The following SLC4A4 variants were observed in gnomAD, a reference collection of about 807,000 sequenced individuals.
The protein encoded by SLC4A4 is solute carrier family 4 member 4.
A neutral mutation model predicts 111.5 loss-of-function variants in SLC4A4; 27 were observed. That is an observed-to-expected ratio of 0.24 (90% confidence interval 0.18 to 0.33). The LOEUF is 0.33. SLC4A4 is among the 10% of genes least tolerant of loss of function. The pLI is 1.00. For missense variants in SLC4A4, 909 were observed against 1,315.5 expected, an observed-to-expected ratio of 0.69 and a Z score of 4.78; for synonymous variants, 443 against 463.4, an observed-to-expected ratio of 0.96 and a Z score of 0.57.
chr4:71,176,128 T>C (rs547596589), intron 2 of SLC4A4, among the ~76,000 whole-genome samples: 53 of 152,230 alleles, frequency 3.5e-4, no homozygotes, highest in Middle Eastern at 6.8e-3. Flanking sequence ...TCCTGACTGT[T>C]AGAAGGAAAA....
intron 2 of SLC4A4, among the ~76,000 whole-genome samples, chr4:71,166,186 T>G (rs1361443505): frequency 6.6e-6 from 1 of 152,208 alleles, no homozygotes; most frequent in African/African-American, 2.4e-5. Flanking sequence ...TATTGTTTAT[T>G]GTTAACACTT....
chr4:71,272,442 G>A (rs1366636200), intron 3 of SLC4A4, among the ~76,000 whole-genome samples: 1 of 152,138 alleles, frequency 6.6e-6, no homozygotes, highest in East Asian at 1.9e-4. Context: ...TCAGTGGCGG[G>A]ATTCAGACAC....
At chr4:71,280,277 A>G (rs1723407453) in intron 3 of SLC4A4, among the ~76,000 whole-genome samples, 1 of 152,174 alleles carries the variant, frequency 6.6e-6, no homozygotes, top group Non-Finnish European at 1.5e-5. Context: ...AGTTGCATGA[A>G]TTCCTTATAT....
chr4:71,247,826 G>T (rs778128379), intron 2 of SLC4A4, among the ~76,000 whole-genome samples: 1 of 152,002 alleles, frequency 6.6e-6, no homozygotes, highest in Non-Finnish European at 1.5e-5. Context: ...ATGTCTTCCC[G>T]TTGGGTGGCT....
chr4:71,451,408 C>T, intron 11 of SLC4A4, 107 bp downstream of exon 11: 2 of 779,036 alleles, frequency 2.6e-6, no homozygotes, highest in Non-Finnish European at 4.6e-6. Flanking sequence ...GTTCAGCCAA[C>T]AAATATTTAT....
intron 3 of SLC4A4, among the ~76,000 whole-genome samples, chr4:71,338,188 T>G (rs1728584306): frequency 1.3e-5 from 2 of 152,312 alleles, no homozygotes; most frequent in South Asian, 4.1e-4. Context: ...TAGTTTCGAT[T>G]TTTAATTAGG....
intron 1 of SLC4A4, among the ~76,000 whole-genome samples, chr4:71,193,428 A>G (rs375788453): frequency 4.7e-4 from 71 of 152,186 alleles, no homozygotes; most frequent in East Asian, 1.5e-3. Context: ...CAAAGTGCTG[A>G]GATTACAGGC....
chr4:71,396,754 C>T (rs1306018527), intron 6 of SLC4A4, among the ~76,000 whole-genome samples: 1 of 152,122 alleles, frequency 6.6e-6, no homozygotes, highest in African/African-American at 2.4e-5. Context: ...ACATGTCCTT[C>T]CTCTCTATTT....
chr4:71,311,405 C>G (rs1241220852), intron 3 of SLC4A4, among the ~76,000 whole-genome samples: 3 of 152,156 alleles, frequency 2.0e-5, no homozygotes, highest in African/African-American at 7.2e-5. Flanking sequence ...TTCTGAGCAC[C>G]ACGTAGCACT....
chr4:71,145,598 G>T (rs533609435), intron 2 of SLC4A4, among the ~76,000 whole-genome samples: 1 of 152,092 alleles, frequency 6.6e-6, no homozygotes, highest in Non-Finnish European at 1.5e-5. Context: ...TAGTTGGTGA[G>T]CTATTAATTA....
intron 5 of SLC4A4, among the ~76,000 whole-genome samples, chr4:71,353,033 G>A (rs151098606): frequency 4.9e-4 from 74 of 152,294 alleles, no homozygotes; most frequent in African/African-American, 1.6e-3. Context: ...CTAACTGACC[G>A]TTTTCATGTT....
At chr4:71,418,980 AT>A in intron 7 of SLC4A4, among the ~76,000 whole-genome samples, 1 of 152,294 alleles carries the variant, frequency 6.6e-6, no homozygotes, top group South Asian at 2.1e-4. Context: ...TTGCCTGGGT[AT>A]CCGCAGCGGT....
intron 1 of SLC4A4, 196 bp from the exon 2 acceptor site, chr4:71,236,380 A>T: frequency 1.3e-6 from 1 of 775,848 alleles, no homozygotes; most frequent in Non-Finnish European, 1.9e-6. Flanking sequence ...AACTGAAGCT[A>T]TGTGGGACCG....
At chr4:71,340,396 TA>T (rs1728805850) in intron 4 of SLC4A4, among the ~76,000 whole-genome samples, 1 of 152,296 alleles carries the variant, frequency 6.6e-6, no homozygotes, top group African/African-American at 2.4e-5. Flanking sequence ...GTTATTACAG[TA>T]TATTGTTGTA....
rs537955640 is a variant in SLC4A4, at chr4:71,305,472, A to T, written c.254-33898A>T. ...TAGCATGTTAAATGAAAGATGAAGC[A>T]TAAAGATGAAATGTGAGCATTTTTT... On this transcript the variant is annotated intron_variant, in intron 3 of 25. Transcript: ENST00000264485. 1.3e-5 allele frequency among the ~76,000 whole-genome samples: 2 copies of T among 152,252 alleles called. 1 individual carries two copies. Among genetic ancestry groups the T allele is most frequent in the African/African-American group, 4.8e-5 (2 of 41,480 alleles).
At position 71,555,262 on chromosome 4, in the gene SLC4A4, T is replaced by G. The variant is rs1484201313; in HGVS notation, c.2763+54T>G. Reference sequence around the variant, plus strand: ...AGTAGTGTTTTTCTAGTAGTAAGAATAGTCCAGTAACAGATCTTTGAAGAA... The same window carrying G: ...AGTAGTGTTTTTCTAGTAGTAAGAAGAGTCCAGTAACAGATCTTTGAAGAA... On this transcript the variant is annotated intron_variant, in intron 21 of 25. Coordinates refer to ENST00000264485, the MANE Select transcript of SLC4A4 (RefSeq NM_001098484.3). The G allele has an allele frequency of 4.4e-6, 5 of 1,140,066 alleles. No individual in the cohort carries two copies. In the African/African-American group the frequency reaches 7.6e-5, roughly 17 times the overall value. The allele number at this position is 1,140,066 out of a possible 1,614,324, so 70.6% of individuals were successfully genotyped here.
intron 2 of SLC4A4, among the ~76,000 whole-genome samples, chr4:71,251,855 T>G (rs1217254108): frequency 6.6e-6 from 1 of 152,144 alleles, no homozygotes; most frequent in Middle Eastern, 3.2e-3. Flanking sequence ...TTTTTTAGCC[T>G]AAAAAGTTCT....
intron 4 of SLC4A4, 41 bp from the exon 5 acceptor site, chr4:71,349,871 A>T: frequency 6.2e-7 from 1 of 1,606,790 alleles, no homozygotes; most frequent in Non-Finnish European, 8.5e-7. Flanking sequence ...AGAGGAAGTT[A>T]GAACACTTTT....
chr4:71,494,198 A>T (rs1427577691), intron 15 of SLC4A4, among the ~76,000 whole-genome samples: 1 of 152,100 alleles, frequency 6.6e-6, no homozygotes. Context: ...GTGAACATTG[A>T]GGAAGCTACA....
Sources: allele counts gnomAD v4.1 joint callset (sites outside exome capture counted in the v4.1 genomes callset), GRCh38; gene constraint gnomAD v4.1.1; transcripts MANE v1.5; gene names NCBI Gene and HGNC (gene_info 2026-07-23, HGNC 2026-07-21).